Variants in MCM10 observed in about 807,000 individuals in gnomAD.
MCM10 encodes protein MCM10 homolog.
MCM10 carries 91 observed loss-of-function variants against 109.9 expected under a neutral mutation model. That is an observed-to-expected ratio of 0.83 (90% CI 0.70 to 0.99). The LOEUF (loss-of-function observed/expected upper bound fraction) is 0.99. Among genes scored for constraint, MCM10 ranks in the 50% least tolerant of loss-of-function variants. The pLI is 0.00. For missense variants in MCM10, 1,077 were observed against 1,061.2 expected, an observed-to-expected ratio of 1.01 and a Z score of -0.21; for synonymous variants, 380 against 387.2, an observed-to-expected ratio of 0.98 and a Z score of 0.22.
At chr10:13,205,222 C>T (rs540242417) in intron 18 of MCM10, among the ~76,000 whole-genome samples, 7 of 151,924 alleles carry the variant, frequency 4.6e-5, no homozygotes, top group African/African-American at 1.2e-4. Context: ...TCTATTATTC[C>T]GCCTTCTGTG....
intron 2 of MCM10, among the ~76,000 whole-genome samples, chr10:13,168,799 G>A (rs1449906514): frequency 6.6e-6 from 1 of 152,154 alleles, no homozygotes; most frequent in East Asian, 1.9e-4. Context: ...GGGGAGAAGT[G>A]GCCCTTGTGT....
At chr10:13,187,658 G>A (rs1008789620) in intron 9 of MCM10, among the ~76,000 whole-genome samples, 3 of 152,140 alleles carry the variant, frequency 2.0e-5, no homozygotes, top group Non-Finnish European at 4.4e-5. Flanking sequence ...CATTGTAGTA[G>A]GTGTGAAGAG....
intron 14 of MCM10, 53 bp from the exon 15 acceptor site, chr10:13,197,570 G>T: frequency 6.4e-7 from 1 of 1,556,516 alleles, no homozygotes; most frequent in Admixed American, 1.9e-5. Flanking sequence ...AGGTCTATAA[G>T]TGCCTCTGTC....
Position 13,204,254 on chromosome 10 carries a change from C to T in MCM10, c.2388C>T (p.Cys796=), listed in dbSNP as rs371442802. The change falls in exon 18 of 20, where the codon TGC becomes TGT. Residue 796 remains cysteine (C), a synonymous_variant. Transcript: ENST00000378714. ...AYTHFKLLET[C]VSEQHEYHWH... ...CCCACTTCAAGCTGCTGGAGACCTG[C>T]GTCAGTGAGCAGCATGAATACCACT... The T allele has an allele frequency of 8.1e-5, 131 of 1,614,124 alleles. No homozygotes were observed. The highest frequency in any genetic ancestry group is 7.7e-4 in the Admixed American group (46 of 60,008).
At chr10:13,174,288 C>A (rs1834113132) in intron 5 of MCM10, among the ~76,000 whole-genome samples, 1 of 151,696 alleles carries the variant, frequency 6.6e-6, no homozygotes, top group African/African-American at 2.4e-5. Flanking sequence ...CCCCACCATG[C>A]CCAGCTAATG....
rs757037376 is a variant in MCM10, at chr10:13,172,430, T to G, written c.404T>G (p.Val135Gly). The change falls in exon 4 of 20, where the codon GTA becomes GGA. Residue 135 changes from valine (V) to glycine (G), a missense_variant. Val to Gly is a moderately radical substitution (Grantham distance 109). Transcript: ENST00000378714. This position sits in a 1 kb window ranked among gnomAD's most constrained non-coding sequence, Gnocchi z 5.2. ...QMKALQEQLK[V>G]TTIKQTASPA... is the part of the protein sequence containing the mutation. ...AAGGCCTTACAAGAGCAGCTAAAAG[T>G]AACAACAATTAAACAGACAGCAAGC... 4 of 1,614,058 alleles carry G rather than the reference T, an allele frequency of 2.5e-6. No individual in the cohort carries two copies. The highest frequency in any genetic ancestry group is 3.4e-6 in the Non-Finnish European group (4 of 1,179,994).
Position 13,172,184 on chromosome 10 carries a change from A to C in MCM10, c.350-192A>C, listed in dbSNP as rs1834083110. Among the ~76,000 whole-genome samples the C allele has an allele frequency of 6.6e-6, 1 of 152,208 alleles. No homozygotes were observed. The highest frequency in any genetic ancestry group is 1.5e-5 in the Non-Finnish European group (1 of 68,044). On this transcript the variant is annotated intron_variant, in intron 3 of 19. Coordinates refer to ENST00000378714, the MANE Select transcript of MCM10 (RefSeq NM_018518.5). The surrounding 1 kb of genome is among the most constrained non-coding windows in gnomAD (Gnocchi z 5.2). ...ATTATTGGGTGCTTCGTTTACTTTA[A>C]ATAAAATATGTATTTCTCTAAGAGA...
At chr10:13,208,682 C>A (rs904280644) in intron 18 of MCM10, among the ~76,000 whole-genome samples, 2 of 152,136 alleles carry the variant, frequency 1.3e-5, no homozygotes, top group African/African-American at 2.4e-5. Context: ...TTAGCTCAAC[C>A]TTTTTGCTCC....
Position 13,170,921 on chromosome 10 carries a change from G to C in MCM10, c.8-1G>C. ...CTGTCCTTTCTCTTCTTTTCCCCTA[G>C]AGGAGGAAGACAATCTGTCTCTGCT... On this transcript the variant is annotated splice_acceptor_variant, in intron 2 of 19. Transcript: ENST00000378714. LOFTEE classifies it high-confidence loss of function. The C allele has an allele frequency of 6.2e-7, 1 of 1,610,648 alleles. No individual in the cohort carries two copies. Among genetic ancestry groups the C allele is most frequent in the East Asian group, 2.2e-5 (1 of 44,810 alleles).
chr10:13,190,597 A>G (rs973521952), intron 10 of MCM10, among the ~76,000 whole-genome samples: 1 of 152,124 alleles, frequency 6.6e-6, no homozygotes. Context: ...AGATGGGAGA[A>G]TTGCTTGAGC....
intron 6 of MCM10, among the ~76,000 whole-genome samples, chr10:13,177,855 A>C (rs1298120083): frequency 6.6e-6 from 1 of 151,668 alleles, no homozygotes; most frequent in African/African-American, 2.4e-5. Context: ...ATCTCAAAAA[A>C]AAAAAAAAGT....
chr10:13,172,218 A>G lies in MCM10; in HGVS notation c.350-158A>G, dbSNP rs1834083462. ...TGTATTTCTCTAAGAGACCTCTTTG[A>G]AGTACCAAAGTTAATCATGAGCTTT... On this transcript the variant is annotated intron_variant, in intron 3 of 19. Transcript: ENST00000378714. The surrounding 1 kb of genome is among the most constrained non-coding windows in gnomAD (Gnocchi z 5.2). Among the ~76,000 whole-genome samples, 3 of 152,188 alleles carry G rather than the reference A, an allele frequency of 2.0e-5. No individual in the cohort carries two copies. Among genetic ancestry groups the G allele is most frequent in the Non-Finnish European group, 2.9e-5 (2 of 68,036 alleles).
chr10:13,200,549 C>G (rs1364333878), intron 16 of MCM10, among the ~76,000 whole-genome samples: 2 of 152,168 alleles, frequency 1.3e-5, no homozygotes, highest in Admixed American at 6.5e-5. Context: ...GGAGAGATGC[C>G]AGAGCTGACT....
intron 5 of MCM10, among the ~76,000 whole-genome samples, chr10:13,175,010 C>A (rs1321144949): frequency 6.6e-6 from 1 of 152,132 alleles, no homozygotes; most frequent in African/African-American, 2.4e-5. Flanking sequence ...TGCCTGTAAT[C>A]CCAGCTACTT....
intron 6 of MCM10, among the ~76,000 whole-genome samples, chr10:13,180,198 C>T (rs1424108544): frequency 2.0e-5 from 3 of 151,810 alleles, no homozygotes; most frequent in Admixed American, 2.0e-4. Flanking sequence ...CCGCAGTGAG[C>T]CAAAATTGCG....
At chr10:13,208,578 A>AAGG (rs1244904686) in intron 18 of MCM10, among the ~76,000 whole-genome samples, 2 of 151,572 alleles carry the variant, frequency 1.3e-5, no homozygotes, top group Admixed American at 1.3e-4. Flanking sequence ...AAAAAAAAAA[A>AAGG]AAAAGGAAAA....
chr10:13,195,908 ATTT>A (rs1397517607), intron 14 of MCM10, among the ~76,000 whole-genome samples: 1 of 150,470 alleles, frequency 6.6e-6, no homozygotes, highest in African/African-American at 2.5e-5. Context: ...TGGCGGTTTT[ATTT>A]TTTATTTGTT....
intron 2 of MCM10, 105 bp downstream of exon 2, chr10:13,164,314 C>A: frequency 9.1e-7 from 1 of 1,100,202 alleles, no homozygotes; most frequent in Non-Finnish European, 1.3e-6. Context: ...TGCTCCCCAG[C>A]CCTCAGGTAT....
intron 16 of MCM10, 52 bp downstream of exon 16, chr10:13,198,859 C>T: frequency 2.6e-6 from 3 of 1,165,518 alleles, no homozygotes; most frequent in Non-Finnish European, 3.8e-6. Flanking sequence ...TCCTTCAAAG[C>T]CAAGGTGCTA....
Sources: gnomAD v4.1 joint callset for allele counts (sites outside exome capture counted in the v4.1 genomes callset) on GRCh38, gnomAD v4.1.1 for gene constraint, Gnocchi (gnomAD v3.1) non-coding constraint, MANE v1.5 for transcripts, NCBI Gene and HGNC (gene_info 2026-07-23, HGNC 2026-07-21) for gene names.